OR6C2: variants seen among roughly 807,000 people sequenced by gnomAD.
OR6C2 encodes the protein olfactory receptor family 6 subfamily C member 2.
For missense variants in OR6C2, 435 were observed against 365.8 expected (o/e 1.19, Z -1.54); for synonymous variants, 146 against 134.2 (o/e 1.09, Z -0.61).
intron 1 of OR6C2, among the ~76,000 whole-genome samples, chr12:55,447,935 A>G (rs555218793): frequency 2.0e-5 from 3 of 152,204 alleles, no homozygotes; most frequent in South Asian, 2.1e-4. Context: ...TGGTGGCTAC[A>G]CCATTTTACA....
At chr12:55,445,681 A>G (rs1871349158) in intron 1 of OR6C2, among the ~76,000 whole-genome samples, 1 of 152,192 alleles carries the variant, frequency 6.6e-6, no homozygotes, top group Admixed American at 6.5e-5. Flanking sequence ...TAAGACCCAT[A>G]ATGCAAATTA....
In OR6C2 at chr12:55,452,540, AT is replaced by A. The variant is rs753142851; in HGVS notation, c.333del (p.Leu112SerfsTer23). 6.2e-7 allele frequency: 1 copy of A among 1,613,680 alleles called. No individual in the cohort carries two copies. Among genetic ancestry groups the A allele is most frequent in the Non-Finnish European group, 8.5e-7 (1 of 1,179,830 alleles). Reference protein sequence around the residue: ...FFVILFGATEFFLLAAMSYDR... With the variant: ...FFVILFGATEXFLLAAMSYDR... ...TTGTTATTCTCTTTGGAGCAACAGA[AT>A]TTTTTCTCTTGGCAGCCATGTCCTA... On this transcript the variant is annotated frameshift_variant, in exon 2 of 2. Coordinates refer to ENST00000641202, the MANE Select transcript of OR6C2 (RefSeq NM_054105.2). LOFTEE classifies it low-confidence loss of function (END_TRUNC).
rs780803822 is a variant in OR6C2, at chr12:55,452,757, C to T, written c.544C>T (p.Leu182Phe). 6 of 1,613,872 alleles carry T rather than the reference C, an allele frequency of 3.7e-6. No homozygotes were observed. Among genetic ancestry groups the T allele is most frequent in the South Asian group, 3.3e-5 (3 of 91,076 alleles). Reference sequence around the variant, plus strand: ...TCATTTTAGCTGTGATGCAGGTCCTCTCCTAAAGATCTCATGCTCAGATAC... The same window carrying T: ...TCATTTTAGCTGTGATGCAGGTCCTTTCCTAAAGATCTCATGCTCAGATAC... ...IDHFSCDAGP[L>F]LKISCSDTWV... Residue 182 changes from leucine (L) to phenylalanine (F), a missense_variant, in exon 2 of 2, where the codon CTC (leucine) becomes TTC (phenylalanine). Coordinates refer to ENST00000641202, the MANE Select transcript of OR6C2 (RefSeq NM_054105.2).
intron 1 of OR6C2, among the ~76,000 whole-genome samples, chr12:55,450,716 C>T (rs1019618740): frequency 1.3e-5 from 2 of 151,828 alleles, no homozygotes; most frequent in East Asian, 1.9e-4. Context: ...AGCAGGAGGT[C>T]TGAAGATTAT....
chr12:55,448,859 A>G (rs763338425), intron 1 of OR6C2, among the ~76,000 whole-genome samples: 43 of 151,908 alleles, frequency 2.8e-4, no homozygotes, highest in Middle Eastern at 3.4e-3. Flanking sequence ...ATTCCAGGCT[A>G]TGGAAATGTA....
intron 1 of OR6C2, among the ~76,000 whole-genome samples, chr12:55,451,060 T>G (rs988691268): frequency 3.9e-5 from 6 of 151,904 alleles, no homozygotes; most frequent in Admixed American, 2.0e-4. Context: ...AGCAAATGTA[T>G]GTATTTATAG....
rs554343162 is a variant in OR6C2, at chr12:55,450,164, A to G, written c.-887-1163A>G. Among the ~76,000 whole-genome samples, 41 of 152,224 alleles carry G rather than the reference A, an allele frequency of 2.7e-4. 1 individual carries two copies. The East Asian group carries it at 7.7e-3, about 29-fold the overall frequency. ...TACAGAAACATACGGGAGAAATACA[A>G]GTATAGTGAAGAGTATAATACAATG... On this transcript the variant is annotated intron_variant, in intron 1 of 1. Coordinates refer to ENST00000641202, the MANE Select transcript of OR6C2 (RefSeq NM_054105.2).
Position 55,453,154 on chromosome 12 carries a change from A to G in OR6C2, c.*2A>G, listed in dbSNP as rs1354953140. 1.2e-6 allele frequency: 2 copies of G among 1,605,320 alleles called. No individual in the cohort carries two copies. Among genetic ancestry groups the G allele is most frequent in the Admixed American group, 1.7e-5 (1 of 59,324 alleles). ...ATTGCATTTCTCTCAAAGAAGTAGAAGCTGTGATGAATTGGCATAAAGTGA... is the reference window on the plus strand; with the variant it reads ...ATTGCATTTCTCTCAAAGAAGTAGAGGCTGTGATGAATTGGCATAAAGTGA... On this transcript the variant is annotated 3_prime_UTR_variant, in exon 2 of 2. Transcript: ENST00000641202.
chr12:55,450,101 A>G (rs1406684020), intron 1 of OR6C2, among the ~76,000 whole-genome samples: 1 of 152,054 alleles, frequency 6.6e-6, no homozygotes, highest in East Asian at 1.9e-4. Context: ...GATATAAGAG[A>G]AAATAAGGAT....
chr12:55,448,665 A>AAAAAAAAAAAAAAAAAAAAAAAAAG (rs1340486558), intron 1 of OR6C2, among the ~76,000 whole-genome samples: 1 of 146,914 alleles, frequency 6.8e-6, no homozygotes, highest in East Asian at 2.1e-4. Context: ...AAAAAGAAAG[A>AAAAAAAAAAAAAAAAAAAAAAAAAG]AAAGAAAAGA....
In OR6C2 at chr12:55,452,761, T is replaced by C; in HGVS notation, c.548T>C (p.Leu183Pro). The C allele has an allele frequency of 6.2e-7, 1 of 1,613,888 alleles. No individual in the cohort carries two copies. Among genetic ancestry groups the C allele is most frequent in the Non-Finnish European group, 8.5e-7 (1 of 1,179,836 alleles). ...DHFSCDAGPL[L>P]KISCSDTWVI... is the part of the protein sequence containing the mutation. ...TTTAGCTGTGATGCAGGTCCTCTCC[T>C]AAAGATCTCATGCTCAGATACATGG... Residue 183 changes from leucine (L) to proline (P), a missense_variant, in exon 2 of 2, where the codon CTA (leucine) becomes CCA (proline). Leu to Pro is a moderately conservative substitution (Grantham distance 98). Coordinates refer to ENST00000641202, the MANE Select transcript of OR6C2 (RefSeq NM_054105.2).
intron 1 of OR6C2, among the ~76,000 whole-genome samples, chr12:55,449,907 G>C (rs1871435046): frequency 6.6e-6 from 1 of 151,824 alleles, no homozygotes; most frequent in South Asian, 2.1e-4. Context: ...ACTTTGAATT[G>C]AAAATAGTCT....
At chr12:55,445,534 G>A (rs779510031) in intron 1 of OR6C2, among the ~76,000 whole-genome samples, 1 of 152,158 alleles carries the variant, frequency 6.6e-6, no homozygotes, top group African/African-American at 2.4e-5. Context: ...TGTCAGATAA[G>A]ACATATGTTT....
At chr12:55,444,669 A>C (rs1209574983) in intron 1 of OR6C2, among the ~76,000 whole-genome samples, 1 of 152,146 alleles carries the variant, frequency 6.6e-6, no homozygotes, top group Non-Finnish European at 1.5e-5. Context: ...GGCGTAGAAG[A>C]CTATTTCACT....
At position 55,452,752 on chromosome 12, in the gene OR6C2, G is replaced by T; in HGVS notation, c.539G>T (p.Gly180Val). The change falls in exon 2 of 2, where the codon GGT (glycine) becomes GTT (valine). Residue 180 changes from glycine to valine, a missense_variant. Physicochemically the swap from Gly to Val is moderately radical, Grantham distance 109. Transcript: ENST00000641202. Reference protein sequence around the residue: ...NAIDHFSCDAGPLLKISCSDT... With the variant: ...NAIDHFSCDAVPLLKISCSDT... ...ATTGATCATTTTAGCTGTGATGCAGGTCCTCTCCTAAAGATCTCATGCTCA... is the reference window on the plus strand; with the variant it reads ...ATTGATCATTTTAGCTGTGATGCAGTTCCTCTCCTAAAGATCTCATGCTCA... 6.2e-7 allele frequency: 1 copy of T among 1,613,802 alleles called. No individual in the cohort carries two copies. Among genetic ancestry groups the T allele is most frequent in the Non-Finnish European group, 8.5e-7 (1 of 1,179,812 alleles).
chr12:55,449,851 CA>C (rs950158686), intron 1 of OR6C2, among the ~76,000 whole-genome samples: 9 of 149,758 alleles, frequency 6.0e-5, no homozygotes, highest in East Asian at 2.0e-4. Flanking sequence ...GTTCAGAGAG[CA>C]AAAAAAAACT....
rs1871515590 is a variant in OR6C2, at chr12:55,452,893, C to T, written c.680C>T (p.Pro227Leu). 1 of 1,613,828 alleles carries T rather than the reference C, an allele frequency of 6.2e-7. No individual in the cohort carries two copies. The highest frequency in any genetic ancestry group is 8.5e-7 in the Non-Finnish European group (1 of 1,179,810). ...LYIVRTILKF[P>L]SVQQRKKAFS... ...ATAGTCAGAACAATTCTGAAGTTCC[C>T]TTCTGTTCAGCAAAGGAAAAAGGCC... Residue 227 changes from proline (P) to leucine (L), a missense_variant, in exon 2 of 2, where the codon CCT (proline) becomes CTT (leucine). Physicochemically the swap from Pro to Leu is moderately conservative, Grantham distance 98. Coordinates refer to ENST00000641202, the MANE Select transcript of OR6C2 (RefSeq NM_054105.2).
intron 1 of OR6C2, among the ~76,000 whole-genome samples, chr12:55,447,620 G>T (rs1053581456): frequency 1.3e-5 from 2 of 151,972 alleles, no homozygotes; most frequent in African/African-American, 4.8e-5. Context: ...ATTTCACTTA[G>T]TATAACCTCT....
At position 55,452,356 on chromosome 12, in the gene OR6C2, T is replaced by C. The variant is rs1173178240; in HGVS notation, c.143T>C (p.Leu48Ser). Residue 48 changes from leucine (L) to serine (S), a missense_variant, in exon 2 of 2, where the codon TTG becomes TCG. By Grantham distance (145) the Leu-to-Ser change is moderately radical. Coordinates refer to ENST00000641202, the MANE Select transcript of OR6C2 (RefSeq NM_054105.2). ...AACCTGACTATTATCACCCTCACAT[T>C]GGTGGACCACCACCTTAAAACTCCT... ...TGNLTIITLT[L>S]VDHHLKTPMY... 1 of 1,613,776 alleles carries C rather than the reference T, an allele frequency of 6.2e-7. No individual in the cohort carries two copies. The highest frequency in any genetic ancestry group is 1.7e-5 in the Admixed American group (1 of 59,958).
Sources: gnomAD v4.1 joint callset for allele counts (sites outside exome capture counted in the v4.1 genomes callset) on GRCh38, gnomAD v4.1.1 for gene constraint, MANE v1.5 for transcripts, NCBI Gene and HGNC (gene_info 2026-07-23, HGNC 2026-07-21) for gene names.